DPP6: variants seen among roughly 807,000 people sequenced by gnomAD.
DPP6 encodes A-type potassium channel modulatory protein DPP6.
In DPP6, 69 loss-of-function variants were observed where a neutral mutation model predicts 122.6. The observed-to-expected ratio is 0.56, with a 90% CI of 0.46 to 0.69. DPP6 has a LOEUF of 0.69. DPP6 is among the 30% of genes least tolerant of loss of function. The pLI is 0.00. For synonymous variants in DPP6, 418 were observed against 433.1 expected, an observed-to-expected ratio of 0.97 and a Z score of 0.43; for missense variants, 928 against 1,116.9, an observed-to-expected ratio of 0.83 and a Z score of 2.41.
At chr7:154,062,938 A>G (rs1212314007) in intron 1 of DPP6, among the ~76,000 whole-genome samples, 2 of 134,142 alleles carry the variant, frequency 1.5e-5, no homozygotes, top group Non-Finnish European at 1.6e-5. Flanking sequence ...TTAGTTGTCC[A>G]GGTAGAAATT....
intron 1 of DPP6, among the ~76,000 whole-genome samples, chr7:154,211,184 T>C (rs1799720719): frequency 6.6e-6 from 1 of 152,180 alleles, no homozygotes; most frequent in Admixed American, 6.5e-5. Context: ...CTCTTCCTGG[T>C]ACAGAACCAG....
chr7:154,029,998 C>A (rs1432566456), intron 1 of DPP6, among the ~76,000 whole-genome samples: 1 of 152,138 alleles, frequency 6.6e-6, no homozygotes, highest in East Asian at 1.9e-4. Context: ...GTGTTTGAAA[C>A]CAGCCTGGGC....
intron 1 of DPP6, among the ~76,000 whole-genome samples, chr7:154,021,701 TC>T (rs1224729470): frequency 6.6e-6 from 1 of 152,132 alleles, no homozygotes; most frequent in East Asian, 1.9e-4. Context: ...AGCTCACTCA[TC>T]CTTCAGTAGA....
chr7:154,544,728 C>A (rs921523049), intron 4 of DPP6, among the ~76,000 whole-genome samples: 3 of 152,114 alleles, frequency 2.0e-5, no homozygotes, highest in Non-Finnish European at 4.4e-5. Context: ...TCAGGAGTGT[C>A]GTAGGACTGA....
At chr7:153,816,607 T>C in the DPP6 span, among the ~76,000 whole-genome samples, 1 of 152,234 alleles carries the variant, frequency 6.6e-6, no homozygotes, top group East Asian at 1.9e-4. Flanking sequence ...AAAGGAACTA[T>C]GTTTATATGA....
intron 8 of DPP6, among the ~76,000 whole-genome samples, chr7:154,751,622 A>G (rs1172972045): frequency 1.3e-5 from 2 of 151,896 alleles, no homozygotes; most frequent in East Asian, 1.9e-4. Context: ...AAAAAAAAAA[A>G]AAAAAGAAAA....
At chr7:154,519,277 G>C (rs1431982674) in intron 3 of DPP6, among the ~76,000 whole-genome samples, 1 of 152,336 alleles carries the variant, frequency 6.6e-6, no homozygotes, top group African/African-American at 2.4e-5. Context: ...TGCTGGAGGA[G>C]GCTGGGAGGC....
intron 1 of DPP6, among the ~76,000 whole-genome samples, chr7:154,128,916 G>A (rs539318708): frequency 0.012 from 1,792 of 151,286 alleles, 30 homozygotes; most frequent in African/African-American, 0.041. Flanking sequence ...AGTTCCCAGC[G>A]TTAGCTTAGC....
At chr7:154,105,118 C>T (rs554243569) in intron 1 of DPP6, among the ~76,000 whole-genome samples, 1 of 152,336 alleles carries the variant, frequency 6.6e-6, no homozygotes, top group Admixed American at 6.5e-5. Flanking sequence ...TAGAGTGAGA[C>T]TCTGTCTAAA....
intron 1 of DPP6, among the ~76,000 whole-genome samples, chr7:154,303,333 A>G (rs1469342510): frequency 6.6e-6 from 1 of 152,046 alleles, no homozygotes. Context: ...CCACCTGGCT[A>G]CCCAGCCCTT....
intron 7 of DPP6, among the ~76,000 whole-genome samples, chr7:154,721,847 A>G (rs1185603492): frequency 6.6e-6 from 1 of 152,072 alleles, no homozygotes; most frequent in African/African-American, 2.4e-5. Flanking sequence ...TGGTTGACTC[A>G]CTTGCTCTTC....
intron 4 of DPP6, among the ~76,000 whole-genome samples, chr7:154,555,175 G>A (rs1829925526): frequency 6.6e-6 from 1 of 151,798 alleles, no homozygotes; most frequent in South Asian, 2.1e-4. Context: ...ATTCAAATAA[G>A]AACTAGAAAA....
intron 1 of DPP6, among the ~76,000 whole-genome samples, chr7:154,247,953 TG>T (rs1238503390): frequency 1.3e-5 from 2 of 152,188 alleles, no homozygotes; most frequent in African/African-American, 2.4e-5. Flanking sequence ...TGCCATAGAC[TG>T]GGTGGCTTAT....
chr7:154,367,767 A>C (rs537438287), intron 1 of DPP6, among the ~76,000 whole-genome samples: 1 of 152,210 alleles, frequency 6.6e-6, no homozygotes, highest in Non-Finnish European at 1.5e-5. Flanking sequence ...CTTCATTTCA[A>C]TTGTGTGTGT....
At chr7:153,774,485 G>A in the DPP6 span, among the ~76,000 whole-genome samples, 10 of 152,104 alleles carry the variant, frequency 6.6e-5, no homozygotes, top group Admixed American at 2.0e-4. Context: ...TAAAATTTGC[G>A]GATTCCTTAT....
chr7:154,299,612 A>G (rs1226134558), intron 1 of DPP6, among the ~76,000 whole-genome samples: 1 of 152,190 alleles, frequency 6.6e-6, no homozygotes, highest in Non-Finnish European at 1.5e-5. Context: ...TTTTATTTTT[A>G]GGGGATTGTA....
chr7:154,102,570 C>T (rs192410604), intron 1 of DPP6, among the ~76,000 whole-genome samples: 2 of 152,084 alleles, frequency 1.3e-5, no homozygotes, highest in Non-Finnish European at 2.9e-5. Flanking sequence ...CTTCCATGTG[C>T]GTTTTTCCTT....
rs542726585 is a variant in DPP6 at position 154,397,148 on chromosome 7, T to C, written c.244-49066T>C. Among the ~76,000 whole-genome samples the C allele has an allele frequency of 2.2e-4, 33 of 150,078 alleles. No homozygotes were observed. The South Asian group carries it at 6.9e-3, about 31-fold the overall frequency. ...TATAAGATAAATTTATAATATAAAT[T>C]AGATTTATAAGATAAATCTAATAAG... On this transcript the variant is annotated intron_variant, in intron 1 of 25. Coordinates refer to ENST00000377770, the MANE Select transcript of DPP6 (RefSeq NM_130797.4).
chr7:154,696,886 C>T (rs1366071656), intron 7 of DPP6, among the ~76,000 whole-genome samples: 1 of 152,150 alleles, frequency 6.6e-6, no homozygotes, highest in Non-Finnish European at 1.5e-5. Context: ...CAGAGTGGCT[C>T]AGCTGGTCAG....
Sources: gnomAD v4.1 joint callset for allele counts (sites outside exome capture counted in the v4.1 genomes callset) on GRCh38, gnomAD v4.1.1 for gene constraint, MANE v1.5 for transcripts, NCBI Gene and HGNC (gene_info 2026-07-23, HGNC 2026-07-21) for gene names.